PML: variants seen among roughly 807,000 people sequenced by gnomAD.
PML encodes the protein PML nuclear body scaffold, also known as protein PML.
A neutral mutation model predicts 65.2 loss-of-function variants in PML; 28 were observed. The observed-to-expected ratio is 0.43, with a 90% CI of 0.32 to 0.59. PML has a LOEUF of 0.59. Ranked by LOEUF, PML falls within the 20% of genes least tolerant of loss-of-function variation. The pLI, the probability that PML is intolerant of heterozygous loss-of-function variation, is 0.08. For synonymous variants in PML, 500 were observed against 508.8 expected (o/e 0.98, Z 0.23); for missense variants, 1,021 against 1,203.4 (o/e 0.85, Z 2.24).
chr15:74,032,106 G>A (rs2071348020), intron 4 of PML, among the ~76,000 whole-genome samples: 2 of 152,132 alleles, frequency 1.3e-5, no homozygotes, highest in South Asian at 2.1e-4. Context: ...TTTGTCCCTG[G>A]AGGTGTGTGT....
rs1263500010 is a variant in PML, at chr15:74,045,516, C to T, written c.*508C>T. On this transcript the variant is annotated 3_prime_UTR_variant, in exon 9 of 9. Transcript: ENST00000268058. ...TGCCCCTCATGAGGTTAGGGTCCCCCACCCTCCACCTGCCCAGAGGCCAAC... is the reference window on the plus strand; with the variant it reads ...TGCCCCTCATGAGGTTAGGGTCCCCTACCCTCCACCTGCCCAGAGGCCAAC... The T allele has an allele frequency of 4.2e-6, 1 of 236,862 alleles. No individual in the cohort carries two copies. Among genetic ancestry groups the T allele is most frequent in the Non-Finnish European group, 8.3e-6 (1 of 120,634 alleles). The allele number at this position is 236,862 out of a possible 1,614,324, so 14.7% of individuals were successfully genotyped here.
intron 4 of PML, 41 bp downstream of exon 4, chr15:74,024,968 C>T: frequency 7.2e-7 from 1 of 1,393,854 alleles, no homozygotes; most frequent in South Asian, 1.2e-5. Flanking sequence ...TGGTGGGGCC[C>T]AGCAGGTCAG....
rs1045723258 is a variant in PML, at chr15:74,044,486, T to C, written c.2127T>C (p.Ala709=). 6.8e-6 allele frequency: 11 copies of C among 1,614,076 alleles called. No individual in the cohort carries two copies. Among genetic ancestry groups the C allele is most frequent in the Non-Finnish European group, 9.3e-6 (11 of 1,179,984 alleles). Residue 709 remains alanine, a synonymous_variant, in exon 9 of 9, where the codon GCT becomes GCC. Coordinates refer to ENST00000268058, the MANE Select transcript of PML (RefSeq NM_033238.3). The part of the protein sequence containing the change: ...EFQEAISGFL[A]ALPLIRERVP... ...AGGAGGCCATCTCGGGCTTCCTGGC[T>C]GCCCTGCCTCTCATCCGGGAGCGTG...
rs1326543635 is a variant in PML at position 74,037,599 on chromosome 15, C to A, written c.1710+3069C>A. ...TGCCCCTTCTTCACCCCACCTCCTG[C>A]GCTTCCCCGCCAGTACCAGGGTGGC... On this transcript the variant is annotated intron_variant, in intron 7 of 8. Transcript: ENST00000268058. This position sits in a 1 kb window ranked among gnomAD's most constrained non-coding sequence, Gnocchi z 4.2. 2.0e-6 allele frequency: 2 copies of A among 985,274 alleles called. No homozygotes were observed. Among genetic ancestry groups the A allele is most frequent in the African/African-American group, 1.7e-5 (1 of 57,206 alleles). 61.0% of individuals were successfully genotyped at this position (985,274 alleles called of 1,614,324 possible).
At chr15:74,033,111 AC>A in intron 5 of PML, 44 bp from the exon 6 acceptor site, 1 of 1,609,850 alleles carries the variant, frequency 6.2e-7, no homozygotes, top group East Asian at 2.2e-5. Flanking sequence ...CTGCCCACTC[AC>A]CCCTGCAGGC....
At chr15:74,027,283 G>T (rs1349587320) in intron 4 of PML, 1 of 152,154 alleles carries the variant, frequency 6.6e-6, no homozygotes, top group Non-Finnish European at 1.5e-5. Context: ...CAGGTGTGGT[G>T]GCTCACACCT....
At chr15:74,006,405 A>AAAG (rs1475452506) in intron 2 of PML, among the ~76,000 whole-genome samples, 3 of 151,876 alleles carry the variant, frequency 2.0e-5, no homozygotes, top group East Asian at 3.9e-4. Context: ...AAAAAAAAAA[A>AAAG]AAAAAGAAAG....
In PML at chr15:74,037,314, C is replaced by T. The variant is rs2071592326; in HGVS notation, c.1710+2784C>T. 6.1e-6 allele frequency: 6 copies of T among 985,300 alleles called. No individual in the cohort carries two copies. In the South Asian group the frequency reaches 1.4e-4, roughly 23 times the overall value. The allele number at this position is 985,300 out of a possible 1,614,324, so 61.0% of individuals were successfully genotyped here. ...TTGCTATTTACAGATCCCCATCGCA[C>T]CCCTTCCCTGCCCTCGTTAGGGTGG... On this transcript the variant is annotated intron_variant, in intron 7 of 8. Transcript: ENST00000268058. This position sits in a 1 kb window ranked among gnomAD's most constrained non-coding sequence, Gnocchi z 4.2.
chr15:74,024,846 G>C lies in PML; in HGVS notation c.1184-11G>C. 1 of 1,609,440 alleles carries C rather than the reference G, an allele frequency of 6.2e-7. No homozygotes were observed. Among genetic ancestry groups the C allele is most frequent in the Non-Finnish European group, 8.5e-7 (1 of 1,175,728 alleles). ...CCTTGACCTGCCTGTGACCTTCTTT[G>C]TGTTCTACAGATGCAGCTGTATCCA... is the stretch of plus-strand genomic sequence containing the variant. On this transcript the variant is annotated splice_polypyrimidine_tract_variant and intron_variant, in intron 3 of 8. Coordinates refer to ENST00000268058, the MANE Select transcript of PML (RefSeq NM_033238.3).
Position 74,032,652 on chromosome 15 carries a change from A to G in PML, c.1335A>G (p.Ser445=), listed in dbSNP as rs2071374229. Residue 445 remains serine, a synonymous_variant, in exon 5 of 9, where the codon TCA becomes TCG. Coordinates refer to ENST00000268058, the MANE Select transcript of PML (RefSeq NM_033238.3). ...CCCAGCCTATGGCTGTGGTACAGTC[A>G]GTGCCCGGGGCACACCCCGTGCCAG... The part of the protein sequence containing the change: ...AEAQPMAVVQ[S]VPGAHPVPVY... The G allele has an allele frequency of 6.8e-6, 11 of 1,614,208 alleles. No homozygotes were observed. Among genetic ancestry groups the G allele is most frequent in the Non-Finnish European group, 9.3e-6 (11 of 1,179,996 alleles).
chr15:74,001,303 A>T (rs1181549312), intron 2 of PML, among the ~76,000 whole-genome samples: 1 of 151,282 alleles, frequency 6.6e-6, no homozygotes, highest in Non-Finnish European at 1.5e-5. Flanking sequence ...TAGCTTCTTG[A>T]ACTTATAATT....
At chr15:74,021,808 C>T (rs1287882234) in intron 2 of PML, among the ~76,000 whole-genome samples, 2 of 151,912 alleles carry the variant, frequency 1.3e-5, no homozygotes, top group African/African-American at 4.8e-5. Flanking sequence ...GCCAGCAAAA[C>T]GACAGTGATT....
intron 2 of PML, among the ~76,000 whole-genome samples, chr15:74,018,219 AG>A (rs2070680525): frequency 6.6e-6 from 1 of 151,414 alleles, no homozygotes; most frequent in Non-Finnish European, 1.5e-5. Context: ...GCTACTTGGG[AG>A]GCTGAGGCAC....
chr15:74,047,801 T>G lies in PML; in HGVS notation c.*2793T>G, dbSNP rs1026014930. ...ATGAATTATAGGAAAATAAACACAT[T>G]TTAGATCTTAGAAAAAAACAAAAAA... On this transcript the variant is annotated 3_prime_UTR_variant, in exon 9 of 9. Coordinates refer to ENST00000268058, the MANE Select transcript of PML (RefSeq NM_033238.3). 3.9e-5 allele frequency: 7 copies of G among 178,586 alleles called. No individual in the cohort carries two copies. The highest frequency in any genetic ancestry group is 7.2e-5 in the Non-Finnish European group (6 of 83,244). The allele number at this position is 178,586 out of a possible 1,614,324, so 11.1% of individuals were successfully genotyped here. A position where few individuals can be genotyped will look rare whatever the true frequency, so the allele number is the denominator to read the frequency against.
At chr15:74,011,105 C>T (rs1274826178) in intron 2 of PML, among the ~76,000 whole-genome samples, 2 of 152,196 alleles carry the variant, frequency 1.3e-5, no homozygotes, top group Admixed American at 6.5e-5. Context: ...TGGCTTTCTT[C>T]CAAGACTGGT....
intron 7 of PML, chr15:74,036,365 G>A (rs1393262983): frequency 2.2e-6 from 3 of 1,394,014 alleles, no homozygotes; most frequent in Admixed American, 3.0e-5. Context: ...GGCAGATGTG[G>A]CTGCTCAATA....
intron 2 of PML, among the ~76,000 whole-genome samples, chr15:73,999,663 A>G (rs2069668069): frequency 6.6e-6 from 1 of 152,180 alleles, no homozygotes; most frequent in African/African-American, 2.4e-5. Context: ...TAATTAAAGA[A>G]TTCAGGAACA....
In PML at chr15:74,046,983, A is replaced by G. The variant is rs1231770963; in HGVS notation, c.*1975A>G. 8.7e-6 allele frequency: 2 copies of G among 229,262 alleles called. No individual in the cohort carries two copies. The highest frequency in any genetic ancestry group is 1.7e-5 in the Non-Finnish European group (2 of 115,670). 14.2% of individuals were successfully genotyped at this position (229,262 alleles called of 1,614,324 possible). On this transcript the variant is annotated 3_prime_UTR_variant, in exon 9 of 9. Coordinates refer to ENST00000268058, the MANE Select transcript of PML (RefSeq NM_033238.3). ...GCCTTAAGCATGTGAATCCCCCCAC[A>G]TGACAAGTGGGGAGACCCAGGGTAG...
intron 4 of PML, among the ~76,000 whole-genome samples, chr15:74,030,248 C>T (rs753596091): frequency 4.6e-5 from 7 of 152,102 alleles, no homozygotes; most frequent in African/African-American, 1.4e-4. Context: ...GTCCAGTGGA[C>T]GCTTAAAGTT....
Sources: gnomAD v4.1 joint callset for allele counts (sites outside exome capture counted in the v4.1 genomes callset) on GRCh38, gnomAD v4.1.1 for gene constraint, Gnocchi (gnomAD v3.1) non-coding constraint, MANE v1.5 for transcripts, NCBI Gene and HGNC (gene_info 2026-07-23, HGNC 2026-07-21) for gene names.